Variants in NLRP8 observed in about 807,000 individuals in gnomAD.
NLRP8 encodes the protein NLR family pyrin domain containing 8, also known as NACHT, LRR and PYD domains-containing protein 8.
A neutral mutation model predicts 88.7 loss-of-function variants in NLRP8; 86 were observed. That is an observed-to-expected ratio of 0.97 (90% CI 0.81 to 1.16). NLRP8 has a LOEUF of 1.16. Ranked by LOEUF, NLRP8 falls within the 50% of genes most tolerant of loss-of-function variation. The probability of loss-of-function intolerance (pLI) is 0.00; values close to 1 mark genes in which losing one functional copy is unlikely to be tolerated. For missense variants in NLRP8, 1,342 were observed against 1,286.5 expected (o/e 1.04, Z -0.66); for synonymous variants, 504 against 494.6 (o/e 1.02, Z -0.25).
rs1049045452 is a variant in NLRP8 at position 55,975,937 on chromosome 19, G to C, written c.2706-196G>C. On this transcript the variant is annotated intron_variant, in intron 7 of 9. Transcript: ENST00000291971. Reference sequence around the variant, plus strand: ...ACCAATATTTGGTACACTTTAAGTGGGTGAATTGTGTGATATATTAATTGC... The same window carrying C: ...ACCAATATTTGGTACACTTTAAGTGCGTGAATTGTGTGATATATTAATTGC... Among the ~76,000 whole-genome samples the C allele has an allele frequency of 3.9e-5, 6 of 152,040 alleles. No homozygotes were observed. The East Asian group carries it at 1.2e-3, about 29-fold the overall frequency.
In NLRP8 at chr19:55,955,195, C is replaced by G. The variant is rs771329389; in HGVS notation, c.1137C>G (p.Val379=). 6.2e-7 allele frequency: 1 copy of G among 1,614,144 alleles called. No individual in the cohort carries two copies. Among genetic ancestry groups the G allele is most frequent in the African/African-American group, 1.3e-5 (1 of 75,044 alleles). Residue 379 remains valine, a synonymous_variant, in exon 3 of 10, where the codon GTC becomes GTG. Coordinates refer to ENST00000291971, the MANE Select transcript of NLRP8 (RefSeq NM_176811.2). ...GACACACAGAGGAGGGAGACCAAGT[C>G]TTGAGTTTCGCCATGGAAAACACCA... is the stretch of plus-strand genomic sequence containing the variant.
intron 3 of NLRP8, among the ~76,000 whole-genome samples, chr19:55,957,436 A>G (rs1979402058): frequency 6.6e-6 from 1 of 151,958 alleles, no homozygotes; most frequent in Admixed American, 6.6e-5. Context: ...CTGTAATCCC[A>G]GCACTTTGGG....
rs140711478 is a variant in NLRP8, at chr19:55,986,939, G to A, written c.3048-875G>A. Among the ~76,000 whole-genome samples, 12 of 152,304 alleles carry A rather than the reference G, an allele frequency of 7.9e-5. No homozygotes were observed. In the East Asian group the frequency reaches 2.3e-3, roughly 29 times the overall value. On this transcript the variant is annotated intron_variant, in intron 9 of 9. Coordinates refer to ENST00000291971, the MANE Select transcript of NLRP8 (RefSeq NM_176811.2). Reference sequence around the variant, plus strand: ...ACCCTCTCCCTTCTGGCTGCTCAAAGCCCAGGACCAAAGGATTCCTTGAAA... The same window carrying A: ...ACCCTCTCCCTTCTGGCTGCTCAAAACCCAGGACCAAAGGATTCCTTGAAA...
Position 55,966,267 on chromosome 19 carries a change from G to A in NLRP8, c.2268G>A (p.Thr756=), listed in dbSNP as rs751543856. Residue 756 remains threonine, a synonymous_variant, in exon 5 of 10, where the codon ACG becomes ACA. Transcript: ENST00000291971. ...ACCAGGACTTAATCGGTGTTTTGAC[G>A]GGGAACCAGCATCTGAGATACTTGG... 14 of 1,613,954 alleles carry A rather than the reference G, an allele frequency of 8.7e-6. No individual in the cohort carries two copies. The highest frequency in any genetic ancestry group is 6.7e-5 in the African/African-American group (5 of 74,894).
chr19:55,956,861 T>G (rs1979379246), intron 3 of NLRP8, among the ~76,000 whole-genome samples: 1 of 151,914 alleles, frequency 6.6e-6, no homozygotes, highest in Non-Finnish European at 1.5e-5. Flanking sequence ...GGTACGATCG[T>G]GGCTCACTGC....
At chr19:55,962,335 GA>G in intron 4 of NLRP8, 98 bp downstream of exon 4, 20 of 1,307,570 alleles carry the variant, frequency 1.5e-5, no homozygotes, top group Non-Finnish European at 2.0e-5. Flanking sequence ...TAGACTTCCG[GA>G]AAGCACCCAT....
chr19:55,960,489 C>T (rs763326304), intron 3 of NLRP8, among the ~76,000 whole-genome samples: 4 of 152,090 alleles, frequency 2.6e-5, no homozygotes, highest in African/African-American at 9.7e-5. Context: ...GGTCACCCGA[C>T]TAAGACCTCA....
intron 9 of NLRP8, among the ~76,000 whole-genome samples, chr19:55,984,198 C>G (rs1296161283): frequency 6.6e-6 from 1 of 151,910 alleles, no homozygotes; most frequent in Non-Finnish European, 1.5e-5. Context: ...TCCTGGTAAA[C>G]CCTGGGGATT....
intron 5 of NLRP8, among the ~76,000 whole-genome samples, chr19:55,967,561 T>C (rs1222992121): frequency 6.6e-6 from 1 of 152,242 alleles, no homozygotes; most frequent in East Asian, 1.9e-4. Context: ...TACTCCATTG[T>C]GTATATGTAC....
rs746175656 is a variant in NLRP8 at position 55,979,352 on chromosome 19, T to C, written c.2877-42T>C. ...ACCGGCTGAGCTCTCAGATGAGTTG[T>C]GATGACTTCTCTGCTGTCTGCTGTC... is the stretch of plus-strand genomic sequence containing the variant. On this transcript the variant is annotated intron_variant, in intron 8 of 9. Transcript: ENST00000291971. The C allele has an allele frequency of 2.5e-6, 4 of 1,608,590 alleles. No homozygotes were observed. The Admixed American group carries it at 5.0e-5, about 20-fold the overall frequency.
intron 9 of NLRP8, chr19:55,987,768 C>A: frequency 7.0e-7 from 1 of 1,426,844 alleles, no homozygotes; most frequent in Non-Finnish European, 9.9e-7. Context: ...GTCACTCATC[C>A]TCAGAAAATA....
Position 55,966,394 on chromosome 19 carries a change from G to C in NLRP8, c.2381+14G>C, listed in dbSNP as rs780725727. 1 of 1,612,006 alleles carries C rather than the reference G, an allele frequency of 6.2e-7. No individual in the cohort carries two copies. The highest frequency in any genetic ancestry group is 8.5e-7 in the Non-Finnish European group (1 of 1,178,614). On this transcript the variant is annotated intron_variant, in intron 5 of 9. Transcript: ENST00000291971. ...GCAGTGTCTCAGGTGAGATTTGAGA[G>C]GGGGGTTAGAGTGGGAACCGGGGTA...
rs149180489 is a variant in NLRP8 at position 55,955,123 on chromosome 19, G to T, written c.1065G>T (p.Pro355=). 1 of 1,613,896 alleles carries T rather than the reference G, an allele frequency of 6.2e-7. No homozygotes were observed. Among genetic ancestry groups the T allele is most frequent in the Non-Finnish European group, 8.5e-7 (1 of 1,179,964 alleles). ...AATGTCCCTCTCTCGTAACCCTTCCGGGGTTTAATACGATGGAAAAAATCA... is the reference window on the plus strand; with the variant it reads ...AATGTCCCTCTCTCGTAACCCTTCCTGGGTTTAATACGATGGAAAAAATCA... Residue 355 remains proline (P), a synonymous_variant, in exon 3 of 10, where the codon CCG becomes CCT. Transcript: ENST00000291971.
At chr19:55,970,357 T>G (rs1166362810) in intron 5 of NLRP8, among the ~76,000 whole-genome samples, 187 bp from the exon 6 acceptor site, 1 of 152,124 alleles carries the variant, frequency 6.6e-6, no homozygotes, top group African/African-American at 2.4e-5. Context: ...CAAGAGTGTG[T>G]TGGTTTTTGC....
At chr19:55,954,465 G>T (rs2123187243) in intron 2 of NLRP8, 36 bp from the exon 3 acceptor site, 5 of 1,595,048 alleles carry the variant, frequency 3.1e-6, no homozygotes, top group Non-Finnish European at 4.3e-6. Context: ...TCACTCTGAT[G>T]TCATACCCTT....
At chr19:55,986,910 C>T (rs994547604) in intron 9 of NLRP8, among the ~76,000 whole-genome samples, 15 of 152,158 alleles carry the variant, frequency 9.9e-5, no homozygotes, top group African/African-American at 3.4e-4. Flanking sequence ...TACTAGGTGC[C>T]CCCACCCTCT....
chr19:55,956,187 A>G, intron 3 of NLRP8, 87 bp downstream of exon 3: 1 of 1,319,308 alleles, frequency 7.6e-7, no homozygotes, highest in Non-Finnish European at 1.0e-6. Flanking sequence ...GTCAATCTGC[A>G]AACCTTTCTG....
At chr19:55,979,274 G>C (rs1980472561) in intron 8 of NLRP8, 120 bp from the exon 9 acceptor site, 1 of 1,105,586 alleles carries the variant, frequency 9.0e-7, no homozygotes. Context: ...GACCATAGTT[G>C]GAACAACATT....
intron 3 of NLRP8, among the ~76,000 whole-genome samples, chr19:55,959,973 T>C (rs1010525677): frequency 6.6e-6 from 1 of 152,140 alleles, no homozygotes; most frequent in African/African-American, 2.4e-5. Flanking sequence ...TCATGGAGGC[T>C]TGGGGGGTTC....
Sources: allele counts gnomAD v4.1 joint callset (sites outside exome capture counted in the v4.1 genomes callset), GRCh38; gene constraint gnomAD v4.1.1; transcripts MANE v1.5; gene names NCBI Gene and HGNC (gene_info 2026-07-23, HGNC 2026-07-21).